The following RBFOX1 variants were observed in gnomAD, a reference collection of about 807,000 sequenced individuals.
The protein encoded by RBFOX1 is RNA binding fox-1 homolog 1.
A neutral mutation model predicts 57.7 loss-of-function variants in RBFOX1; 8 were observed. The ratio of observed to expected loss-of-function variants is 0.14; its 90% CI spans 0.08 to 0.25. The LOEUF (loss-of-function observed/expected upper bound fraction) is 0.25. Ranked by LOEUF, RBFOX1 falls within the 10% of genes least tolerant of loss-of-function variation. The pLI is 1.00. For synonymous variants in RBFOX1, 326 were observed against 222.4 expected (o/e 1.47, Z -4.15); for missense variants, 611 against 548.5 (o/e 1.11, Z -1.14).
At chr16:7,120,281 TAAA>T (rs71147656) in intron 4 of RBFOX1, among the ~76,000 whole-genome samples, 1 of 151,490 alleles carries the variant, frequency 6.6e-6, no homozygotes, top group Non-Finnish European at 1.5e-5. Context: ...AAGAGACTAT[TAAA>T]AAAAGCAAAT....
intron 2 of RBFOX1, among the ~76,000 whole-genome samples, chr16:6,452,847 C>T (rs1177737751): frequency 2.0e-5 from 3 of 152,064 alleles, no homozygotes; most frequent in Non-Finnish European, 4.4e-5. Flanking sequence ...ATTATGCCTA[C>T]CCTAGGGGGG....
chr16:6,492,509 C>T (rs1163157182), intron 2 of RBFOX1, among the ~76,000 whole-genome samples: 1 of 152,176 alleles, frequency 6.6e-6, no homozygotes, highest in African/African-American at 2.4e-5. Flanking sequence ...GTGGAGGTTG[C>T]AGTGAGCCGA....
intron 4 of RBFOX1, among the ~76,000 whole-genome samples, chr16:7,154,685 T>TTG (rs56742260): frequency 0.03 from 4,234 of 143,098 alleles, 71 homozygotes; most frequent in African/African-American, 0.033. Context: ...CCCTCTTCCT[T>TTG]TGTGTGTGTG....
intron 1 of RBFOX1, among the ~76,000 whole-genome samples, chr16:6,289,599 C>T (rs2077252359): frequency 6.6e-6 from 1 of 152,100 alleles, no homozygotes; most frequent in South Asian, 2.1e-4. Context: ...TTTCCGTCCT[C>T]TAGCTGTCCA....
chr16:6,423,751 G>A (rs571458289), intron 2 of RBFOX1, among the ~76,000 whole-genome samples: 283 of 152,224 alleles, frequency 1.9e-3, no homozygotes, highest in African/African-American at 6.5e-3. Context: ...AATCCCAGCC[G>A]CCAGATGAGA....
intron 2 of RBFOX1, among the ~76,000 whole-genome samples, chr16:5,492,860 A>G (rs1267114602): frequency 6.6e-6 from 1 of 152,222 alleles, no homozygotes; most frequent in Non-Finnish European, 1.5e-5. Context: ...CTTACCTTCT[A>G]AGAGTGACCT....
intron 3 of RBFOX1, among the ~76,000 whole-genome samples, chr16:5,697,266 A>G (rs771660194): frequency 2.2e-4 from 34 of 152,020 alleles, no homozygotes; most frequent in Admixed American, 3.3e-4. Flanking sequence ...ATTTGTCAAG[A>G]CTGTTTTCGC....
intron 3 of RBFOX1, among the ~76,000 whole-genome samples, chr16:6,764,534 C>T (rs1032712139): frequency 6.6e-6 from 1 of 152,152 alleles, no homozygotes; most frequent in African/African-American, 2.4e-5. Context: ...GTTGGAGCAA[C>T]AACAGGAAAT....
intron 11 of RBFOX1, among the ~76,000 whole-genome samples, chr16:7,644,304 C>T (rs1348032188): frequency 1.3e-5 from 2 of 152,156 alleles, no homozygotes; most frequent in Non-Finnish European, 2.9e-5. Context: ...CCGGGTCTGG[C>T]AATTAGCAAG....
At chr16:5,829,387 G>T (rs1431655599) in intron 3 of RBFOX1, among the ~76,000 whole-genome samples, 2 of 152,238 alleles carry the variant, frequency 1.3e-5, no homozygotes, top group African/African-American at 2.4e-5. Flanking sequence ...AAGAGGCACA[G>T]TGAGGGAGCA....
intron 1 of RBFOX1, among the ~76,000 whole-genome samples, chr16:5,312,236 C>T: frequency 6.6e-6 from 1 of 152,232 alleles, no homozygotes; most frequent in East Asian, 1.9e-4. Context: ...TGAAGCACAA[C>T]TGAGAACATG....
intron 1 of RBFOX1, among the ~76,000 whole-genome samples, chr16:5,458,661 G>A (rs1291274459): frequency 6.6e-6 from 1 of 152,198 alleles, no homozygotes; most frequent in African/African-American, 2.4e-5. Flanking sequence ...CTTTCAGGTT[G>A]CCATGAATCC....
intron 4 of RBFOX1, among the ~76,000 whole-genome samples, chr16:7,374,897 AC>A (rs2097655575): frequency 6.6e-6 from 1 of 152,146 alleles, no homozygotes; most frequent in South Asian, 2.1e-4. Flanking sequence ...CTCTTCCATG[AC>A]CTGCCAGCAC....
At chr16:6,099,838 A>T (rs1322671570) in intron 1 of RBFOX1, among the ~76,000 whole-genome samples, 2 of 152,314 alleles carry the variant, frequency 1.3e-5, no homozygotes, top group East Asian at 3.9e-4. Context: ...ACCCTAATTT[A>T]AGAGAACATG....
intron 4 of RBFOX1, among the ~76,000 whole-genome samples, chr16:7,268,539 G>T (rs1388803406): frequency 1.3e-5 from 2 of 152,166 alleles, no homozygotes; most frequent in African/African-American, 4.8e-5. Flanking sequence ...AGTTTGAATT[G>T]CCAATTGACT....
At chr16:7,293,861 C>G (rs962552588) in intron 4 of RBFOX1, among the ~76,000 whole-genome samples, 8 of 152,062 alleles carry the variant, frequency 5.3e-5, no homozygotes, top group African/African-American at 1.9e-4. Flanking sequence ...ACTAAGAATT[C>G]CTGGGGTGTC....
Position 6,457,210 on chromosome 16 carries a change from A to G in RBFOX1, c.-64+140153A>G, listed in dbSNP as rs2094795206. Reference sequence around the variant, plus strand: ...GGATTTATAAGACAGTCTAAGCACCAGTAGCTAGAGATGTCAGAAAATCAG... The same window carrying G: ...GGATTTATAAGACAGTCTAAGCACCGGTAGCTAGAGATGTCAGAAAATCAG... On this transcript the variant is annotated intron_variant, in intron 2 of 15. Transcript: ENST00000550418. Among the ~76,000 whole-genome samples, 4 of 152,204 alleles carry G rather than the reference A, an allele frequency of 2.6e-5. No individual in the cohort carries two copies. The South Asian group carries it at 8.3e-4, about 32-fold the overall frequency.
chr16:6,229,895 G>T (rs1004879497), intron 1 of RBFOX1, among the ~76,000 whole-genome samples: 2 of 151,862 alleles, frequency 1.3e-5, no homozygotes, highest in African/African-American at 2.4e-5. Flanking sequence ...GCATGTCTTA[G>T]AATATTATTT....
At chr16:7,202,087 A>G (rs556400908) in intron 4 of RBFOX1, among the ~76,000 whole-genome samples, 11 of 152,284 alleles carry the variant, frequency 7.2e-5, no homozygotes, top group African/African-American at 2.6e-4. Flanking sequence ...CCAAAAATCA[A>G]TATGGGTTAC....
Sources: allele counts gnomAD v4.1 joint callset (sites outside exome capture counted in the v4.1 genomes callset), GRCh38; gene constraint gnomAD v4.1.1; transcripts MANE v1.5; gene names NCBI Gene and HGNC (gene_info 2026-07-23, HGNC 2026-07-21).